Variants in MBP observed in about 807,000 individuals in gnomAD.
MBP encodes myelin basic protein.
MBP carries 16 observed loss-of-function variants against 35.8 expected under a neutral mutation model. The ratio of observed to expected loss-of-function variants is 0.45; its 90% CI spans 0.30 to 0.68. The LOEUF (loss-of-function observed/expected upper bound fraction) is 0.68. Ranked by LOEUF, MBP falls within the 30% of genes least tolerant of loss-of-function variation. The pLI, the probability that MBP is intolerant of heterozygous loss-of-function variation, is 0.08. For missense variants in MBP, 380 were observed against 404.7 expected (o/e 0.94, Z 0.52); for synonymous variants, 143 against 159.6 (o/e 0.90, Z 0.78).
At chr18:77,060,211 C>G (rs369619562) in intron 3 of MBP, among the ~76,000 whole-genome samples, 2 of 152,126 alleles carry the variant, frequency 1.3e-5, no homozygotes, top group South Asian at 2.1e-4. Context: ...GTATATGGCA[C>G]GGCACATTGG....
chr18:77,097,378 C>T (rs1240142093), intron 2 of MBP: 1 of 152,274 alleles, frequency 6.6e-6, no homozygotes, highest in Non-Finnish European at 1.5e-5. Flanking sequence ...CCCTCCCTCT[C>T]AGCTATCAGT....
intron 3 of MBP, among the ~76,000 whole-genome samples, chr18:77,033,757 C>CCCATCCAT (rs145059208): frequency 1.7e-5 from 2 of 120,482 alleles, no homozygotes; most frequent in Non-Finnish European, 3.4e-5. Flanking sequence ...CATCAATCCA[C>CCCATCCAT]CCATCCATCC....
In MBP at chr18:77,105,249, C is replaced by T. The variant is rs149191307; in HGVS notation, c.13G>A (p.Ala5Thr). The change falls in exon 2 of 9, where the codon GCA becomes ACA. Residue 5 changes from alanine (A) to threonine (T), a missense_variant. Coordinates refer to ENST00000355994, the MANE Select transcript of MBP (RefSeq NM_001025101.2). MGNHAGKRELNAEKA... is the reference protein window; with the variant it reads MGNHTGKRELNAEKA... ...TCGGCATTTAATTCTCGTTTGCCTG[C>T]GTGGTTTCCCATCCTGAATGGATTG... 839 of 1,612,326 alleles carry T rather than the reference C, an allele frequency of 5.2e-4. 3 individuals carry two copies. Among genetic ancestry groups the T allele is most frequent in the South Asian group, 1.9e-3 (172 of 91,062 alleles).
At chr18:76,985,723 G>T (rs997893891) in intron 7 of MBP, 5 of 1,009,000 alleles carry the variant, frequency 5.0e-6, no homozygotes, top group African/African-American at 1.7e-5. Context: ...GTGTGGCCTT[G>T]GGCAAGGGCA....
At chr18:77,114,574 CTG>C (rs1333139518) in intron 1 of MBP, 27 of 152,254 alleles carry the variant, frequency 1.8e-4, no homozygotes, top group Non-Finnish European at 3.7e-4. Flanking sequence ...ACGAAATTCT[CTG>C]TGTAAAAATA....
At position 77,044,902 on chromosome 18, in the gene MBP, TGTGA is replaced by T. The variant is rs1308434411; in HGVS notation, c.139+21392_139+21395del. ...TCCTGTGTGTAAGTGTGTGTGACTG[TGTGA>T]GTGTGTAAGAAAATGTGAGTCTGTG... On this transcript the variant is annotated intron_variant, in intron 3 of 8. Transcript: ENST00000355994. This position sits in a 1 kb window ranked among gnomAD's most constrained non-coding sequence, Gnocchi z 4.4. Among the ~76,000 whole-genome samples, 1 of 133,790 alleles carries T rather than the reference TGTGA, an allele frequency of 7.5e-6. No homozygotes were observed. Among genetic ancestry groups the T allele is most frequent in the African/African-American group, 2.9e-5 (1 of 34,484 alleles). The allele number at this position is 133,790 out of a possible 152,430, so 87.8% of individuals were successfully genotyped here.
At chr18:76,992,113 C>A (rs1969963479) in intron 4 of MBP, among the ~76,000 whole-genome samples, 2 of 152,216 alleles carry the variant, frequency 1.3e-5, no homozygotes, top group South Asian at 4.1e-4. Flanking sequence ...GGACTCTTTC[C>A]TCTGCCCTCC....
intron 3 of MBP, among the ~76,000 whole-genome samples, chr18:77,063,751 C>T (rs1974078953): frequency 6.6e-6 from 1 of 152,146 alleles, no homozygotes; most frequent in African/African-American, 2.4e-5. Context: ...ACTCTCTAAA[C>T]TCAGTATCTC....
At chr18:77,008,243 C>A (rs567472347) in intron 4 of MBP, among the ~76,000 whole-genome samples, 1 of 152,178 alleles carries the variant, frequency 6.6e-6, no homozygotes, top group East Asian at 1.9e-4. Flanking sequence ...CTCTCCAGGG[C>A]GGGGCCGGCA....
chr18:77,047,233 C>A lies in MBP; in HGVS notation c.139+19065G>T, dbSNP rs1424707916. Reference sequence around the variant, plus strand: ...ACGACAGCCAAAGGGTGGCAGCCACCTGAACATCCGTGAGCTGATGCGTGG... The same window carrying A: ...ACGACAGCCAAAGGGTGGCAGCCACATGAACATCCGTGAGCTGATGCGTGG... On this transcript the variant is annotated intron_variant, in intron 3 of 8. Coordinates refer to ENST00000355994, the MANE Select transcript of MBP (RefSeq NM_001025101.2). 2.6e-5 allele frequency among the ~76,000 whole-genome samples: 4 copies of A among 152,226 alleles called. 1 individual carries two copies. The South Asian group carries it at 6.2e-4, about 24-fold the overall frequency.
chr18:76,995,308 G>T (rs1970209558), intron 4 of MBP, among the ~76,000 whole-genome samples: 1 of 152,196 alleles, frequency 6.6e-6, no homozygotes, highest in Non-Finnish European at 1.5e-5. Flanking sequence ...TCAAATTCCA[G>T]CAAAGTTTTG....
At chr18:77,124,542 C>T (rs974519389) in intron 1 of MBP, among the ~76,000 whole-genome samples, 6 of 152,048 alleles carry the variant, frequency 3.9e-5, no homozygotes, top group East Asian at 1.9e-4. Flanking sequence ...GGGGGTTGGA[C>T]GCGGGGCAGC....
intron 1 of MBP, among the ~76,000 whole-genome samples, chr18:77,107,009 C>T (rs759985586): frequency 5.3e-5 from 8 of 152,242 alleles, no homozygotes; most frequent in African/African-American, 7.2e-5. Context: ...GGGTGTGTTC[C>T]TTGTGAGGTG....
At chr18:77,018,612 T>TCCATC (rs1971806865) in intron 3 of MBP, among the ~76,000 whole-genome samples, 1 of 110,970 alleles carries the variant, frequency 9.0e-6, no homozygotes, top group South Asian at 3.3e-4. Flanking sequence ...ATCTATCCAC[T>TCCATC]CATCCATCCA....
intron 2 of MBP, among the ~76,000 whole-genome samples, chr18:77,085,146 C>G (rs1442958136): frequency 6.6e-6 from 1 of 152,028 alleles, no homozygotes; most frequent in Non-Finnish European, 1.5e-5. Context: ...TGGAATACTC[C>G]AATCTTCTTA....
chr18:77,044,686 C>A lies in MBP; in HGVS notation c.139+21612G>T, dbSNP rs776082912. Among the ~76,000 whole-genome samples, 1 of 151,968 alleles carries A rather than the reference C, an allele frequency of 6.6e-6. No individual in the cohort carries two copies. Among genetic ancestry groups the A allele is most frequent in the Non-Finnish European group, 1.5e-5 (1 of 68,012 alleles). On this transcript the variant is annotated intron_variant, in intron 3 of 8. Coordinates refer to ENST00000355994, the MANE Select transcript of MBP (RefSeq NM_001025101.2). This position sits in a 1 kb window ranked among gnomAD's most constrained non-coding sequence, Gnocchi z 4.4. ...CGAGGGGCCCCGGAATCACCTGCCA[C>A]GTGAATAAACAAAGTCAGATCTGAA...
chr18:77,039,266 ATAATT>A (rs1972890888), intron 3 of MBP, among the ~76,000 whole-genome samples: 2 of 152,186 alleles, frequency 1.3e-5, no homozygotes, highest in South Asian at 4.1e-4. Flanking sequence ...GATCTATAAA[ATAATT>A]TAAAGTTCTA....
At chr18:77,017,616 C>T (rs1971728982) in intron 3 of MBP, 1 of 218,778 alleles carries the variant, frequency 4.6e-6, no homozygotes, top group African/African-American at 2.3e-5. Flanking sequence ...GATGTGCAGG[C>T]ACCTTGATGG....
At chr18:76,985,683 T>A (rs962728819) in intron 7 of MBP, 15 of 1,050,336 alleles carry the variant, frequency 1.4e-5, no homozygotes, top group Middle Eastern at 4.6e-4. Context: ...CACCTCCCAG[T>A]CCCCTAGCAC....
Sources: gnomAD v4.1 joint callset for allele counts (sites outside exome capture counted in the v4.1 genomes callset) on GRCh38, gnomAD v4.1.1 for gene constraint, Gnocchi (gnomAD v3.1) non-coding constraint, MANE v1.5 for transcripts, NCBI Gene and HGNC (gene_info 2026-07-23, HGNC 2026-07-21) for gene names.